Variants in LETMD1 observed in about 807,000 individuals in gnomAD.
LETMD1 encodes LETM1 domain-containing protein 1.
Under a neutral mutation model 43.9 loss-of-function variants are expected in LETMD1, and 30 were observed. The observed-to-expected ratio is 0.68, with a 90% confidence interval of 0.51 to 0.93. The LOEUF is 0.93. LETMD1 is among the 40% of genes least tolerant of loss of function. The pLI is 0.00. For missense variants in LETMD1, 413 were observed against 447.7 expected, an observed-to-expected ratio of 0.92 and a Z score of 0.70; for synonymous variants, 176 against 163.1, an observed-to-expected ratio of 1.08 and a Z score of -0.60.
the LETMD1 span, chr12:51,067,995 C>T: frequency 6.2e-7 from 1 of 1,605,616 alleles, no homozygotes. The surrounding 1 kb of genome is among the most constrained non-coding windows in gnomAD (Gnocchi z 4.1). Context: ...AAAGGTTAGC[C>T]TCATAGACAT....
Position 51,052,108 on chromosome 12 carries a change from G to A in LETMD1, c.291G>A (p.Trp97Ter), listed in dbSNP as rs1338509054. The change falls in exon 3 of 9, where the codon TGG becomes TGA. Residue 97 changes from tryptophan to a stop codon, truncating the protein, a stop_gained. Transcript: ENST00000262055. LOFTEE classifies it high-confidence loss of function. Reference protein sequence around the residue: ...TIFMKGLQMLWADAKKARRIK... With the variant: ...TIFMKGLQML ...ATGAGGCAGGATTGCAGATGTTATG[G>A]GCTGATGCCAAAAAGGCTAGAAGAA... 2 of 1,613,842 alleles carry A rather than the reference G, an allele frequency of 1.2e-6. No homozygotes were observed. The highest frequency in any genetic ancestry group is 2.7e-5 in the African/African-American group (2 of 74,900).
chr12:51,058,067 T>C lies in LETMD1; in HGVS notation c.951T>C (p.Ile317=). 6.2e-7 allele frequency: 1 copy of C among 1,613,856 alleles called. No individual in the cohort carries two copies. Among genetic ancestry groups the C allele is most frequent in the Non-Finnish European group, 8.5e-7 (1 of 1,179,710 alleles). Residue 317 remains isoleucine (I), a synonymous_variant, in exon 8 of 9, where the codon ATT becomes ATC. Coordinates refer to ENST00000262055, the MANE Select transcript of LETMD1 (RefSeq NM_015416.5). ...CYLRGLNSTH[I]GEDRCRTWLG... ...TCCGTGGCCTGAATTCTACGCATAT[T>C]GGTGAAGATAGGTGTCGAACTTGGC...
chr12:51,053,815 T>G lies in LETMD1; in HGVS notation c.428T>G (p.Ile143Ser). 2 of 1,613,860 alleles carry G rather than the reference T, an allele frequency of 1.2e-6. No homozygotes were observed. The highest frequency in any genetic ancestry group is 1.7e-6 in the Non-Finnish European group (2 of 1,179,832). Residue 143 changes from isoleucine to serine, a missense_variant, in exon 4 of 9, where the codon ATT (isoleucine) becomes AGT (serine). Coordinates refer to ENST00000262055, the MANE Select transcript of LETMD1 (RefSeq NM_015416.5). ...QDVTKCLFLGIISIPPFANYL... is the reference protein window; with the variant it reads ...QDVTKCLFLGSISIPPFANYL... The stretch of plus-strand genomic sequence containing the variant: ...GTCACCAAGTGTCTTTTCCTAGGTA[T>G]TATTTCCATTCCACCTTTTGCCAAC...
upstream of LETMD1, chr12:51,048,224 T>TA: frequency 1.7e-6 from 2 of 1,210,184 alleles, no homozygotes; most frequent in Non-Finnish European, 2.4e-6. Context: ...TCTCCTGGCT[T>TA]GTGCTGGAGC....
chr12:51,057,681 A>AAT (rs1948116544), intron 7 of LETMD1: 2 of 287,366 alleles, frequency 7.0e-6, no homozygotes, highest in South Asian at 7.4e-5. Context: ...GCTGGAGTGC[A>AAT]GTGGCATGAT....
chr12:51,053,843 C>T lies in LETMD1; in HGVS notation c.456C>T (p.Tyr152=), dbSNP rs751871972. The change falls in exon 4 of 9, where the codon TAC becomes TAT. Residue 152 remains tyrosine, a synonymous_variant. Transcript: ENST00000262055. ...TTTCCATTCCACCTTTTGCCAACTACCTGGTCTTCTTGCTAATGTGAGTAC... is the reference window on the plus strand; with the variant it reads ...TTTCCATTCCACCTTTTGCCAACTATCTGGTCTTCTTGCTAATGTGAGTAC... ...GIISIPPFAN[Y]LVFLLMYLFP... 1.9e-6 allele frequency: 3 copies of T among 1,610,748 alleles called. No individual in the cohort carries two copies. Among genetic ancestry groups the T allele is most frequent in the Non-Finnish European group, 2.5e-6 (3 of 1,177,266 alleles).
intron 1 of LETMD1, chr12:51,048,817 A>G: frequency 1.7e-6 from 1 of 600,076 alleles, no homozygotes; most frequent in South Asian, 2.1e-5. Flanking sequence ...CTCTCTCCAG[A>G]GGCATACCCT....
At position 51,059,445 on chromosome 12, in the gene LETMD1, C is replaced by T. The variant is rs143925739; in HGVS notation, c.*14C>T. 418 of 1,611,800 alleles carry T rather than the reference C, an allele frequency of 2.6e-4. 1 individual carries two copies. In the African/African-American group the frequency reaches 4.9e-3, roughly 19 times the overall value. ...ACAAGGCGCTGAATGAACCATGGAG[C>T]GGATGGCATTGTCCTGCAGTCGTAT... is the stretch of plus-strand genomic sequence containing the variant. On this transcript the variant is annotated 3_prime_UTR_variant, in exon 9 of 9. Coordinates refer to ENST00000262055, the MANE Select transcript of LETMD1 (RefSeq NM_015416.5).
At chr12:51,059,157 G>T (rs1948552039) in intron 8 of LETMD1, 1 of 554,870 alleles carries the variant, frequency 1.8e-6, no homozygotes. Flanking sequence ...GAGAAATAGA[G>T]GATGAGTTGA....
intron 2 of LETMD1, among the ~76,000 whole-genome samples, chr12:51,051,817 A>G (rs1244438166): frequency 6.6e-6 from 1 of 152,256 alleles, no homozygotes; most frequent in Non-Finnish European, 1.5e-5. Context: ...TGATTTTTAA[A>G]AAGGAGTGAC....
downstream of LETMD1, chr12:51,063,444 A>G: frequency 4.8e-6 from 1 of 206,698 alleles, no homozygotes; most frequent in East Asian, 1.1e-4. Flanking sequence ...TAGCTGCTTG[A>G]GTTACCCAGC....
chr12:51,065,942 T>C, the LETMD1 span, among the ~76,000 whole-genome samples: 1 of 152,210 alleles, frequency 6.6e-6, no homozygotes, highest in South Asian at 2.1e-4. Context: ...ACACCCTCAA[T>C]AATTAAGTTC....
chr12:51,056,562 G>A (rs1947800498), intron 7 of LETMD1, 60 bp downstream of exon 7: 1 of 1,585,854 alleles, frequency 6.3e-7, no homozygotes, highest in African/African-American at 1.3e-5. Flanking sequence ...GCCTATGGCA[G>A]GCCGGAGGTT....
At position 51,056,335 on chromosome 12, in the gene LETMD1, G is replaced by A. The variant is rs938249387; in HGVS notation, c.763-15G>A. On this transcript the variant is annotated splice_polypyrimidine_tract_variant and intron_variant, in intron 6 of 8. Coordinates refer to ENST00000262055, the MANE Select transcript of LETMD1 (RefSeq NM_015416.5). ...ATACTATTTGCCTTTCCCCTCCTAT[G>A]TGGTTGTGTTACAGAAAGCCTTGAG... is the stretch of plus-strand genomic sequence containing the variant. 1.2e-6 allele frequency: 2 copies of A among 1,613,962 alleles called. No homozygotes were observed. Among genetic ancestry groups the A allele is most frequent in the African/African-American group, 1.3e-5 (1 of 74,916 alleles).
chr12:51,067,948 C>T, the LETMD1 span: 1 of 1,614,000 alleles, frequency 6.2e-7, no homozygotes, highest in East Asian at 2.2e-5. This position sits in a 1 kb window ranked among gnomAD's most constrained non-coding sequence, Gnocchi z 4.1. Context: ...TCCACCGACT[C>T]CACTGTCCCA....
chr12:51,063,168 TAA>T (rs2136822915), downstream of LETMD1: 1 of 152,158 alleles, frequency 6.6e-6, no homozygotes, highest in African/African-American at 2.4e-5. Context: ...TGTCAAATAT[TAA>T]CTTATTTACC....
chr12:51,067,533 G>A, the LETMD1 span: 10 of 753,992 alleles, frequency 1.3e-5, no homozygotes, highest in African/African-American at 3.5e-5. The surrounding 1 kb of genome is among the most constrained non-coding windows in gnomAD (Gnocchi z 4.1). Context: ...CTCTGTTGAC[G>A]GAGGAGGGTT....
At position 51,049,116 on chromosome 12, in the gene LETMD1, G is replaced by A; in HGVS notation, c.205G>A (p.Gly69Arg). 1 of 1,613,888 alleles carries A rather than the reference G, an allele frequency of 6.2e-7. No individual in the cohort carries two copies. The highest frequency in any genetic ancestry group is 8.5e-7 in the Non-Finnish European group (1 of 1,179,830). Residue 69 changes from glycine (G) to arginine (R), a missense_variant, in exon 2 of 9, where the codon GGG becomes AGG. Coordinates refer to ENST00000262055, the MANE Select transcript of LETMD1 (RefSeq NM_015416.5). ...YVVTKTKAINGKYHRFLGRHF... is the reference protein window; with the variant it reads ...YVVTKTKAINRKYHRFLGRHF... ...GGTAACCAAGACAAAAGCGATTAAT[G>A]GGAAATACCATCGTTTCTTGGGTCG...
At chr12:51,058,850 G>C (rs563638629) in intron 8 of LETMD1, 1 of 168,522 alleles carries the variant, frequency 5.9e-6, no homozygotes, top group African/African-American at 2.4e-5. Context: ...ATGTCCTAGG[G>C]GTGGGGAGGA....
Sources: allele counts gnomAD v4.1 joint callset (sites outside exome capture counted in the v4.1 genomes callset), GRCh38; gene constraint gnomAD v4.1.1; non-coding constraint Gnocchi (gnomAD v3.1); transcripts MANE v1.5; gene names NCBI Gene and HGNC (gene_info 2026-07-23, HGNC 2026-07-21).